The following GRM1 variants were observed in gnomAD, a reference collection of about 807,000 sequenced individuals.
GRM1 encodes glutamate metabotropic receptor 1.
A neutral mutation model predicts 90.9 loss-of-function variants in GRM1; 33 were observed. That is an observed-to-expected ratio of 0.36 (90% CI 0.28 to 0.49). The LOEUF (loss-of-function observed/expected upper bound fraction) is 0.49, where lower values mean the gene tolerates loss of function less well. Among genes scored for constraint, GRM1 ranks in the 20% least tolerant of loss-of-function variants. The pLI, the probability that GRM1 is intolerant of heterozygous loss-of-function variation, is 0.99. For missense variants in GRM1, 1,190 were observed against 1,534.3 expected, an observed-to-expected ratio of 0.78 and a Z score of 3.75; for synonymous variants, 700 against 613.2, an observed-to-expected ratio of 1.14 and a Z score of -2.09.
At chr6:146,368,270 G>GGT (rs1775772635) in intron 5 of GRM1, among the ~76,000 whole-genome samples, 1 of 117,134 alleles carries the variant, frequency 8.5e-6, no homozygotes, top group African/African-American at 3.2e-5. Flanking sequence ...TGGGGGGGGG[G>GGT]GTAGAATCTT....
intron 5 of GRM1, among the ~76,000 whole-genome samples, chr6:146,367,421 T>C (rs1220305175): frequency 1.3e-5 from 2 of 152,158 alleles, no homozygotes; most frequent in Non-Finnish European, 2.9e-5. Context: ...GATTTTTTTT[T>C]CTATTTTTAT....
chr6:146,096,949 C>CT (rs1284088055), intron 1 of GRM1, among the ~76,000 whole-genome samples: 3 of 151,860 alleles, frequency 2.0e-5, no homozygotes, highest in East Asian at 1.9e-4. Context: ...TTGTTGCTTA[C>CT]TTTTTTTAAA....
chr6:146,053,537 G>A (rs540148493), intron 1 of GRM1, among the ~76,000 whole-genome samples: 1 of 152,108 alleles, frequency 6.6e-6, no homozygotes, highest in East Asian at 1.9e-4. Context: ...GTTAAAAACC[G>A]AGATATAATA....
At chr6:146,262,928 A>G (rs965240507) in intron 2 of GRM1, among the ~76,000 whole-genome samples, 11 of 152,016 alleles carry the variant, frequency 7.2e-5, no homozygotes, top group Non-Finnish European at 1.5e-4. Flanking sequence ...GTCACCTATT[A>G]AATTATCAAA....
intron 1 of GRM1, among the ~76,000 whole-genome samples, chr6:146,045,827 C>T (rs1300504207): frequency 6.7e-6 from 1 of 150,340 alleles, no homozygotes; most frequent in East Asian, 2.0e-4. Flanking sequence ...TATCACTCTT[C>T]CCTTTTTCCC....
intron 1 of GRM1, among the ~76,000 whole-genome samples, chr6:146,039,065 C>G (rs1408984628): frequency 6.6e-6 from 1 of 151,926 alleles, no homozygotes; most frequent in East Asian, 1.9e-4. Flanking sequence ...GTAGCACATT[C>G]TTTGGTTTGA....
Position 146,433,910 on chromosome 6 carries a change from G to A in GRM1, c.2699G>A (p.Gly900Glu). 2 of 1,613,886 alleles carry A rather than the reference G, an allele frequency of 1.2e-6. No homozygotes were observed. The highest frequency in any genetic ancestry group is 1.7e-6 in the Non-Finnish European group (2 of 1,179,798). The change falls in exon 8 of 8, where the codon GGA (glycine) becomes GAA (glutamate). Residue 900 changes from glycine (G) to glutamate (E), a missense_variant. Around this residue, in one of 10 missense-constraint regions of GRM1, gnomAD observed 400 missense variants for 360.8 expected, o/e 1.11. Transcript: ENST00000282753. ...TCTGTGTCATGGTCTGAACCAGGTG[G>A]AGGACAGGTGCCCAAGGGACAGCAT... ...GKSVSWSEPG[G>E]GQVPKGQHMW...
intron 2 of GRM1, among the ~76,000 whole-genome samples, chr6:146,272,088 T>C (rs762646470): frequency 2.6e-5 from 4 of 152,190 alleles, no homozygotes; most frequent in Non-Finnish European, 4.4e-5. Flanking sequence ...TTGCCTTCCC[T>C]TATGGATACA....
chr6:146,158,637 C>T (rs1371639122), intron 1 of GRM1, among the ~76,000 whole-genome samples: 1 of 152,130 alleles, frequency 6.6e-6, no homozygotes, highest in Non-Finnish European at 1.5e-5. Context: ...GGGCTAAAAT[C>T]ATCAGTGGAA....
intron 5 of GRM1, among the ~76,000 whole-genome samples, chr6:146,370,109 G>C (rs1775843636): frequency 6.6e-6 from 1 of 151,904 alleles, no homozygotes; most frequent in Non-Finnish European, 1.5e-5. Context: ...GTTTTGACTT[G>C]AAGTCTGTTT....
intron 2 of GRM1, among the ~76,000 whole-genome samples, chr6:146,198,465 T>G (rs547748458): frequency 1.4e-4 from 22 of 152,298 alleles, no homozygotes; most frequent in African/African-American, 5.3e-4. Context: ...AAAGTCTCAG[T>G]GGTTGCTACT....
At chr6:146,373,044 T>C (rs1775960367) in intron 5 of GRM1, among the ~76,000 whole-genome samples, 1 of 152,152 alleles carries the variant, frequency 6.6e-6, no homozygotes, top group Non-Finnish European at 1.5e-5. Context: ...ACTCTGTCAA[T>C]TGCTTTAGCT....
chr6:146,208,966 TTAA>T (rs1217126525), intron 2 of GRM1, among the ~76,000 whole-genome samples: 1 of 152,166 alleles, frequency 6.6e-6, no homozygotes, highest in East Asian at 1.9e-4. Flanking sequence ...AGTAAAAATA[TTAA>T]TGATACATAC....
chr6:146,335,309 G>A (rs6920054), intron 3 of GRM1, among the ~76,000 whole-genome samples: 12,280 of 152,062 alleles, frequency 0.081, 1,697 homozygotes, highest in African/African-American at 0.28. Flanking sequence ...CTAACGCATT[G>A]TTTCAGTCTC....
intron 2 of GRM1, among the ~76,000 whole-genome samples, chr6:146,209,207 A>G (rs1398148247): frequency 1.3e-5 from 2 of 152,130 alleles, no homozygotes; most frequent in Non-Finnish European, 2.9e-5. Flanking sequence ...TCCTGTGACC[A>G]TGTTGCAGGT....
At chr6:146,088,965 A>G (rs1376051973) in intron 1 of GRM1, among the ~76,000 whole-genome samples, 1 of 152,118 alleles carries the variant, frequency 6.6e-6, no homozygotes, top group Non-Finnish European at 1.5e-5. Flanking sequence ...GTGGAGGTGC[A>G]GACCCATGAT....
intron 2 of GRM1, among the ~76,000 whole-genome samples, chr6:146,293,416 C>A (rs1201039066): frequency 6.6e-6 from 1 of 151,856 alleles, no homozygotes; most frequent in East Asian, 1.9e-4. Context: ...TAAAGCCAAC[C>A]AGGTATAAAT....
At chr6:146,045,247 C>T (rs565168293) in intron 1 of GRM1, among the ~76,000 whole-genome samples, 1 of 152,088 alleles carries the variant, frequency 6.6e-6, no homozygotes, top group South Asian at 2.1e-4. Flanking sequence ...TCATTTCTTA[C>T]ATTTAATGAT....
At chr6:146,234,422 G>A (rs1328181399) in intron 2 of GRM1, among the ~76,000 whole-genome samples, 6 of 151,734 alleles carry the variant, frequency 4.0e-5, no homozygotes, top group Non-Finnish European at 8.8e-5. Flanking sequence ...ATTTCTTTGG[G>A]ATTGGGTTTT....
Sources: gnomAD v4.1 joint callset for allele counts (sites outside exome capture counted in the v4.1 genomes callset) on GRCh38, gnomAD v4.1.1 for gene constraint, gnomAD v4.1.1 regional missense constraint, MANE v1.5 for transcripts, NCBI Gene and HGNC (gene_info 2026-07-23, HGNC 2026-07-21) for gene names.